Variants in ETS1 observed in about 807,000 individuals in gnomAD.
ETS1 encodes the protein protein C-ets-1.
Under a neutral mutation model 58.6 loss-of-function variants are expected in ETS1, and 15 were observed. The observed-to-expected ratio is 0.26, with a 90% CI of 0.17 to 0.39. The LOEUF is 0.39. Ranked by LOEUF, ETS1 falls within the 10% of genes least tolerant of loss-of-function variation. ETS1 has a pLI of 1.00. For missense variants in ETS1, 417 were observed against 610.5 expected (o/e 0.68, Z 3.34); for synonymous variants, 214 against 218.2 (o/e 0.98, Z 0.17).
At chr11:128,485,144 G>T in intron 6 of ETS1, 73 bp from the exon 7 acceptor site, 3 of 1,380,598 alleles carry the variant, frequency 2.2e-6, no homozygotes, top group Non-Finnish European at 2.0e-6. Flanking sequence ...ACCATCTACA[G>T]GGCCCTATGA....
chr11:128,537,150 T>C (rs1033367453), intron 3 of ETS1, among the ~76,000 whole-genome samples: 3 of 152,200 alleles, frequency 2.0e-5, no homozygotes, highest in African/African-American at 7.2e-5. Context: ...CTCTTTCAAA[T>C]CATTCATGTG....
rs2135461057 is a variant in ETS1, at chr11:128,490,374, T to C, written c.334+83A>G. On this transcript the variant is annotated intron_variant, in intron 4 of 9. Coordinates refer to ENST00000392668, the MANE Select transcript of ETS1 (RefSeq NM_001143820.2). Reference sequence around the variant, plus strand: ...ACTCCAATGTGGTTAGTGTAACGTCTGCCTCACACACTCCAGGTGAGAAAA... The same window carrying C: ...ACTCCAATGTGGTTAGTGTAACGTCCGCCTCACACACTCCAGGTGAGAAAA... 2.1e-6 allele frequency: 3 copies of C among 1,448,082 alleles called. No homozygotes were observed. In the East Asian group the frequency reaches 6.8e-5, roughly 33 times the overall value. The allele number at this position is 1,448,082 out of a possible 1,614,324, so 89.7% of individuals were successfully genotyped here.
intron 2 of ETS1, among the ~76,000 whole-genome samples, chr11:128,562,511 T>A (rs1864419954): frequency 6.6e-6 from 1 of 152,182 alleles, no homozygotes; most frequent in South Asian, 2.1e-4. Context: ...CTGCTCGTCA[T>A]ATGCAGTGGT....
chr11:128,568,553 G>A (rs1864554926), intron 2 of ETS1, among the ~76,000 whole-genome samples: 1 of 152,196 alleles, frequency 6.6e-6, no homozygotes, highest in Non-Finnish European at 1.5e-5. Context: ...CCAAAGTGTT[G>A]CTTCTCCACC....
chr11:128,577,629 G>C (rs1224105961), intron 1 of ETS1, among the ~76,000 whole-genome samples: 1 of 152,188 alleles, frequency 6.6e-6, no homozygotes, highest in Non-Finnish European at 1.5e-5. Flanking sequence ...TGAGGAGAAA[G>C]ACTAAGGCGA....
chr11:128,516,822 T>G (rs1591635589), intron 3 of ETS1, among the ~76,000 whole-genome samples: 1 of 152,328 alleles, frequency 6.6e-6, no homozygotes, highest in East Asian at 1.9e-4. Flanking sequence ...ATAATTAAAT[T>G]TTAACTGCCT....
chr11:128,491,863 T>C (rs1242392020), intron 3 of ETS1, among the ~76,000 whole-genome samples: 2 of 152,178 alleles, frequency 1.3e-5, no homozygotes, highest in Admixed American at 1.3e-4. Context: ...GCCTGCAGAT[T>C]TGCAAATGTA....
intron 4 of ETS1, among the ~76,000 whole-genome samples, chr11:128,490,031 T>C (rs1031755849): frequency 2.6e-5 from 4 of 152,252 alleles, no homozygotes; most frequent in African/African-American, 9.6e-5. Flanking sequence ...TTATACCAGA[T>C]ACTCTGCAAA....
At chr11:128,543,853 A>G (rs191339684) in intron 3 of ETS1, among the ~76,000 whole-genome samples, 1 of 152,370 alleles carries the variant, frequency 6.6e-6, no homozygotes, top group East Asian at 1.9e-4. Context: ...TTTCAGAGTC[A>G]TATTTTCCCC....
Position 128,465,155 on chromosome 11 carries a change from A to T in ETS1, c.1124-1528T>A, listed in dbSNP as rs569557735. Among the ~76,000 whole-genome samples, 13 of 152,294 alleles carry T rather than the reference A, an allele frequency of 8.5e-5. No homozygotes were observed. In the East Asian group the frequency reaches 2.5e-3, roughly 29 times the overall value. On this transcript the variant is annotated intron_variant, in intron 8 of 9. Coordinates refer to ENST00000392668, the MANE Select transcript of ETS1 (RefSeq NM_001143820.2). ...TAACAACTTCCTAATGGTGGTTTCC[A>T]AGGCTCCTCTCAGCACTTGCCACGC...
In ETS1 at chr11:128,571,233, G is replaced by A. The variant is rs541420434; in HGVS notation, c.69+1829C>T. Among the ~76,000 whole-genome samples, 15 of 151,828 alleles carry A rather than the reference G, an allele frequency of 9.9e-5. No individual in the cohort carries two copies. In the East Asian group the frequency reaches 1.2e-3, roughly 12 times the overall value. ...CACGAGGTCAGGAGATCGAGACCAC[G>A]GTGAAACCCTGTCTCTACTAAAAAT... On this transcript the variant is annotated intron_variant, in intron 2 of 9. Transcript: ENST00000392668.
chr11:128,511,805 T>C (rs1863399763), intron 3 of ETS1, among the ~76,000 whole-genome samples: 1 of 152,198 alleles, frequency 6.6e-6, no homozygotes, highest in Non-Finnish European at 1.5e-5. Context: ...GTCAGGGGAT[T>C]TGGAGAAACT....
intron 5 of ETS1, among the ~76,000 whole-genome samples, chr11:128,486,824 A>G (rs1174910057): frequency 1.3e-5 from 2 of 152,228 alleles, no homozygotes; most frequent in Non-Finnish European, 2.9e-5. Flanking sequence ...CTGCGGACAG[A>G]AAGCTCTGAA....
At chr11:128,466,563 G>A (rs1316496178) in intron 8 of ETS1, among the ~76,000 whole-genome samples, 1 of 152,182 alleles carries the variant, frequency 6.6e-6, no homozygotes, top group Non-Finnish European at 1.5e-5. Flanking sequence ...AAACTGAAAT[G>A]TCAAGCAGTC....
chr11:128,495,376 C>T (rs754657699), intron 3 of ETS1, among the ~76,000 whole-genome samples: 1 of 152,066 alleles, frequency 6.6e-6, no homozygotes, highest in African/African-American at 2.4e-5. Context: ...AAACTTAAAA[C>T]TATTCCAAGA....
intron 5 of ETS1, among the ~76,000 whole-genome samples, chr11:128,487,333 A>G (rs1006578986): frequency 2.0e-5 from 3 of 152,304 alleles, no homozygotes; most frequent in Admixed American, 6.5e-5. Flanking sequence ...ATTTTCTTAC[A>G]TTATTCCTTT....
At chr11:128,495,871 T>C (rs1862925239) in intron 3 of ETS1, among the ~76,000 whole-genome samples, 1 of 152,240 alleles carries the variant, frequency 6.6e-6, no homozygotes, top group Non-Finnish European at 1.5e-5. Flanking sequence ...GTGGTGTCTA[T>C]ATCCCTCATA....
At chr11:128,581,765 C>T (rs67702756) in intron 1 of ETS1, among the ~76,000 whole-genome samples, 45,948 of 152,018 alleles carry the variant, frequency 0.3, 8,583 homozygotes, top group Non-Finnish European at 0.42. Flanking sequence ...ACATTACAGA[C>T]TCTTAGCCTG....
intron 2 of ETS1, among the ~76,000 whole-genome samples, chr11:128,565,377 C>A (rs1864476625): frequency 6.6e-6 from 1 of 152,204 alleles, no homozygotes; most frequent in South Asian, 2.1e-4. Context: ...CTTGAACATT[C>A]CAGCATCCAG....
Sources: allele counts gnomAD v4.1 joint callset (sites outside exome capture counted in the v4.1 genomes callset), GRCh38; gene constraint gnomAD v4.1.1; transcripts MANE v1.5; gene names NCBI Gene and HGNC (gene_info 2026-07-23, HGNC 2026-07-21).